FAT1: variants seen among roughly 807,000 people sequenced by gnomAD.
FAT1 encodes FAT atypical cadherin 1.
In FAT1, 171 loss-of-function variants were observed where a neutral mutation model predicts 329.8. The ratio of observed to expected loss-of-function variants is 0.52; its 90% CI spans 0.46 to 0.59. The LOEUF is 0.59. Among genes scored for constraint, FAT1 ranks in the 20% least tolerant of loss-of-function variants. FAT1 has a pLI of 0.00. For missense variants in FAT1, 5,672 were observed against 5,774.4 expected (o/e 0.98, Z 0.57); for synonymous variants, 2,233 against 2,228.6 (o/e 1.00, Z -0.06).
chr4:186,699,395 A>C (rs1744192484), intron 2 of FAT1, among the ~76,000 whole-genome samples: 1 of 152,244 alleles, frequency 6.6e-6, no homozygotes, highest in African/African-American at 2.4e-5. Context: ...GAGGCCTAGC[A>C]ATGGACCGAG....
intron 17 of FAT1, 97 bp downstream of exon 17, chr4:186,605,973 T>C (rs890037698): frequency 1.3e-5 from 16 of 1,197,908 alleles, no homozygotes; most frequent in Non-Finnish European, 1.9e-5. Flanking sequence ...CCCATTTTTC[T>C]AGAAAGAAAC....
At chr4:186,719,459 A>G (rs1054929188) in intron 1 of FAT1, among the ~76,000 whole-genome samples, 3 of 152,232 alleles carry the variant, frequency 2.0e-5, no homozygotes, top group Non-Finnish European at 4.4e-5. Context: ...TCCCTTAGAG[A>G]CCAAGGGACA....
At position 186,620,652 on chromosome 4, in the gene FAT1, C is replaced by T. The variant is rs1328174855; in HGVS notation, c.5934G>A (p.Lys1978=). 6.8e-6 allele frequency: 11 copies of T among 1,613,980 alleles called. No homozygotes were observed. Among genetic ancestry groups the T allele is most frequent in the Non-Finnish European group, 8.5e-7 (1 of 1,179,884 alleles). The change falls in exon 10 of 27, where the codon AAG becomes AAA. Residue 1978 remains lysine, a synonymous_variant. Coordinates refer to ENST00000441802, the MANE Select transcript of FAT1 (RefSeq NM_005245.4). ...NVKESKESHL[K]FTQDVYSAVV... ...CCGCAGAGTAGACATCCTGGGTAAACTTTAGGTGACTTTCTTTGCTTTCTT... is the reference window on the plus strand; with the variant it reads ...CCGCAGAGTAGACATCCTGGGTAAATTTTAGGTGACTTTCTTTGCTTTCTT...
chr4:186,668,314 C>T (rs1257968069), intron 2 of FAT1, among the ~76,000 whole-genome samples: 1 of 152,044 alleles, frequency 6.6e-6, no homozygotes, highest in East Asian at 1.9e-4. Context: ...AGAGGCAAGA[C>T]GAAGGTCCAG....
At chr4:186,639,638 C>G (rs2126570690) in intron 4 of FAT1, 84 bp downstream of exon 4, 1 of 892,928 alleles carries the variant, frequency 1.1e-6, no homozygotes. Flanking sequence ...GCTAAGAATA[C>G]TGGTTAATGG....
chr4:186,687,615 T>C (rs1412721284), intron 2 of FAT1, among the ~76,000 whole-genome samples: 2 of 152,214 alleles, frequency 1.3e-5, no homozygotes, highest in African/African-American at 2.4e-5. Flanking sequence ...CGCTGGGCAT[T>C]GTGGATTTCA....
At chr4:186,667,761 T>C (rs1437581250) in intron 2 of FAT1, among the ~76,000 whole-genome samples, 2 of 152,202 alleles carry the variant, frequency 1.3e-5, no homozygotes, top group Non-Finnish European at 2.9e-5. Context: ...GCTTTACACA[T>C]GAGGAAAGAG....
chr4:186,603,898 G>T lies in FAT1; in HGVS notation c.10628C>A (p.Pro3543His). 1 of 1,613,882 alleles carries T rather than the reference G, an allele frequency of 6.2e-7. No individual in the cohort carries two copies. Among genetic ancestry groups the T allele is most frequent in the Non-Finnish European group, 8.5e-7 (1 of 1,179,828 alleles). ...GAAAATCTCCAGGGGCAAAATCGCA[G>T]GCGGATAGATGCTCTCCTCAATTAC... is the stretch of plus-strand genomic sequence containing the variant. ...IRVIEESIYP[P>H]AILPLEIFIT... Residue 3543 changes from proline (P) to histidine (H), a missense_variant, in exon 19 of 27, where the codon CCT becomes CAT. Pro to His is a moderately conservative substitution (Grantham distance 77). Transcript: ENST00000441802.
At chr4:186,615,940 A>G (rs1739688895) in intron 11 of FAT1, among the ~76,000 whole-genome samples, 1 of 152,036 alleles carries the variant, frequency 6.6e-6, no homozygotes, top group Non-Finnish European at 1.5e-5. Context: ...TGGAATTGGA[A>G]CTCAACACGG....
intron 9 of FAT1, 66 bp downstream of exon 9, chr4:186,628,088 T>C (rs1740403211): frequency 6.5e-7 from 1 of 1,529,478 alleles, no homozygotes; most frequent in African/African-American, 1.4e-5. Flanking sequence ...GAACTGATTT[T>C]GGAAAAGTAG....
chr4:186,609,816 C>T lies in FAT1; in HGVS notation c.10053G>A (p.Glu3351=), dbSNP rs762409356. The T allele has an allele frequency of 2.5e-6, 4 of 1,612,440 alleles. No individual in the cohort carries two copies. The highest frequency in any genetic ancestry group is 2.2e-5 in the South Asian group (2 of 91,050). The change falls in exon 15 of 27, where the codon GAG becomes GAA. Residue 3351 remains glutamate (E), a synonymous_variant. Transcript: ENST00000441802. The stretch of plus-strand genomic sequence containing the variant: ...AAATACACACCGTGATGACAGACTG[C>T]TCAAGAACGGCATCTTCACTGATGA... The part of the protein sequence containing the change: ...TTVISEDAVL[E]QSVITVMADD...
chr4:186,636,304 A>G, intron 5 of FAT1, 69 bp from the exon 6 acceptor site: 1 of 1,429,030 alleles, frequency 7.0e-7, no homozygotes, highest in Non-Finnish European at 9.8e-7. Flanking sequence ...TGAATGAAGC[A>G]CAGACTGGTT....
chr4:186,656,592 C>T (rs1457781177), intron 3 of FAT1, among the ~76,000 whole-genome samples: 2 of 152,180 alleles, frequency 1.3e-5, no homozygotes, highest in South Asian at 2.1e-4. Context: ...ATCTGCCTTC[C>T]GGCCTTGCTG....
intron 3 of FAT1, among the ~76,000 whole-genome samples, chr4:186,642,121 A>ATCCC (rs1342959626): frequency 1.3e-5 from 2 of 152,184 alleles, no homozygotes; most frequent in African/African-American, 4.8e-5. Context: ...CCGTTAACTC[A>ATCCC]GATGGAGCTT....
chr4:186,636,578 A>T lies in FAT1; in HGVS notation c.3972+7T>A, dbSNP rs2126562419. 1 of 1,596,554 alleles carries T rather than the reference A, an allele frequency of 6.3e-7. No individual in the cohort carries two copies. Among genetic ancestry groups the T allele is most frequent in the Non-Finnish European group, 8.5e-7 (1 of 1,171,866 alleles). On this transcript the variant is annotated splice_region_variant and intron_variant, in intron 5 of 26. Coordinates refer to ENST00000441802, the MANE Select transcript of FAT1 (RefSeq NM_005245.4). ...TGAAAAATTACAGTACTACAATCTT[A>T]ACTCACTGAAAGAATATCATATTCT...
intron 4 of FAT1, among the ~76,000 whole-genome samples, chr4:186,637,913 T>C (rs1415389946): frequency 2.0e-5 from 3 of 152,250 alleles, no homozygotes; most frequent in Non-Finnish European, 4.4e-5. Context: ...CTAAGCTTTT[T>C]CAAAATAAAA....
At chr4:186,649,895 C>T (rs1427659978) in intron 3 of FAT1, among the ~76,000 whole-genome samples, 2 of 152,044 alleles carry the variant, frequency 1.3e-5, no homozygotes, top group African/African-American at 4.8e-5. Context: ...ACTAATACAC[C>T]TTTTTATTTG....
At position 186,642,040 on chromosome 4, in the gene FAT1, G is replaced by A. The variant is rs111939892; in HGVS notation, c.3581-2257C>T. Among the ~76,000 whole-genome samples, 1,215 of 151,316 alleles carry A rather than the reference G, an allele frequency of 8.0e-3. 14 individuals are homozygous for A. The highest frequency in any genetic ancestry group is 0.027 in the African/African-American group (1,109 of 41,252). On this transcript the variant is annotated intron_variant, in intron 3 of 26. Coordinates refer to ENST00000441802, the MANE Select transcript of FAT1 (RefSeq NM_005245.4). Reference sequence around the variant, plus strand: ...AAACAAAATCCACATAAAGCCAAAAGGCTACCTGACCACCTCCTTCCTGGG... The same window carrying A: ...AAACAAAATCCACATAAAGCCAAAAAGCTACCTGACCACCTCCTTCCTGGG...
At chr4:186,631,618 C>G (rs1337743258) in intron 7 of FAT1, among the ~76,000 whole-genome samples, 4 of 151,086 alleles carry the variant, frequency 2.6e-5, no homozygotes, top group African/African-American at 9.8e-5. Flanking sequence ...CACCTCCCAG[C>G]TGACTCCTGT....
Sources: allele counts gnomAD v4.1 joint callset (sites outside exome capture counted in the v4.1 genomes callset), GRCh38; gene constraint gnomAD v4.1.1; transcripts MANE v1.5; gene names NCBI Gene and HGNC (gene_info 2026-07-23, HGNC 2026-07-21).